NCALD: variants seen among roughly 807,000 people sequenced by gnomAD.
The protein encoded by NCALD is neurocalcin delta.
NCALD carries 10 observed loss-of-function variants against 18.6 expected under a neutral mutation model. The ratio of observed to expected loss-of-function variants is 0.54; its 90% CI spans 0.33 to 0.91. The LOEUF (loss-of-function observed/expected upper bound fraction) is 0.91, where lower values mean the gene tolerates loss of function less well. Ranked by LOEUF, NCALD falls within the 40% of genes least tolerant of loss-of-function variation. The pLI is 0.03. For missense variants in NCALD, 184 were observed against 247.6 expected (o/e 0.74, Z 1.72); for synonymous variants, 88 against 87.4 (o/e 1.01, Z -0.04).
At chr8:102,013,427 T>C (rs1188824336) in intron 2 of NCALD, among the ~76,000 whole-genome samples, 1 of 152,214 alleles carries the variant, frequency 6.6e-6, no homozygotes, top group Non-Finnish European at 1.5e-5. Context: ...TCTCCATCCA[T>C]AGCAAGCCCA....
chr8:102,091,937 AG>A (rs1824937363), intron 1 of NCALD, among the ~76,000 whole-genome samples: 1 of 152,134 alleles, frequency 6.6e-6, no homozygotes, highest in South Asian at 2.1e-4. Context: ...TATAAAAGGG[AG>A]GGGGAAAATG....
intron 4 of NCALD, among the ~76,000 whole-genome samples, chr8:101,878,040 G>C (rs143995613): frequency 7.3e-4 from 111 of 152,210 alleles, no homozygotes; most frequent in Non-Finnish European, 1.4e-3. Context: ...TATGGTTCTG[G>C]GCACATGCTG....
intron 4 of NCALD, among the ~76,000 whole-genome samples, chr8:101,796,019 G>A (rs1442161374): frequency 6.6e-6 from 1 of 152,170 alleles, no homozygotes; most frequent in East Asian, 1.9e-4. Context: ...TAGTGACAGG[G>A]AGACCAAAAT....
chr8:101,883,920 A>T (rs895638929), intron 4 of NCALD, among the ~76,000 whole-genome samples: 2 of 152,226 alleles, frequency 1.3e-5, no homozygotes, highest in Admixed American at 6.5e-5. Flanking sequence ...CAGTGTCATT[A>T]TACAATTGCA....
At chr8:101,783,528 T>C (rs1812102202) in intron 1 of NCALD, among the ~76,000 whole-genome samples, 1 of 152,200 alleles carries the variant, frequency 6.6e-6, no homozygotes, top group Non-Finnish European at 1.5e-5. Flanking sequence ...GCATAGGAAA[T>C]GGGCCAAAAT....
rs753949352 is a variant in NCALD, at chr8:102,018,134, G to C, written c.-157+2103C>G. 4.0e-4 allele frequency among the ~76,000 whole-genome samples: 61 copies of C among 152,174 alleles called. 1 individual carries two copies. The highest frequency in any genetic ancestry group is 1.3e-3 in the Admixed American group (20 of 15,278). On this transcript the variant is annotated intron_variant, in intron 2 of 6. Coordinates refer to the NCALD transcript ENST00000311028. ...TGAAACTTTCATATATTGCTGATTG[G>C]AATGTAAAATGGCACAGTCATTTTG...
At chr8:101,925,693 G>C (rs1226140998) in intron 2 of NCALD, among the ~76,000 whole-genome samples, 2 of 152,092 alleles carry the variant, frequency 1.3e-5, no homozygotes, top group African/African-American at 4.8e-5. Flanking sequence ...AGCTAAACCA[G>C]CCCCTAGAAC....
chr8:101,707,003 A>G (rs1054219484), intron 2 of NCALD, among the ~76,000 whole-genome samples: 8 of 152,250 alleles, frequency 5.3e-5, no homozygotes, highest in Non-Finnish European at 1.0e-4. Flanking sequence ...CAGGAAAGAA[A>G]TCTAAGTTGC....
chr8:101,737,186 GT>G (rs1004140429), intron 1 of NCALD, among the ~76,000 whole-genome samples: 1 of 151,840 alleles, frequency 6.6e-6, no homozygotes, highest in African/African-American at 2.4e-5. Flanking sequence ...TGGCGCCATC[GT>G]GGCTCACCAG....
At chr8:102,014,257 T>C (rs1443587507) in intron 2 of NCALD, among the ~76,000 whole-genome samples, 1 of 152,120 alleles carries the variant, frequency 6.6e-6, no homozygotes, top group Non-Finnish European at 1.5e-5. Flanking sequence ...CTGGTGAGGG[T>C]CCTATTCCTG....
At chr8:102,005,178 T>A (rs1821651155) in intron 2 of NCALD, among the ~76,000 whole-genome samples, 1 of 151,798 alleles carries the variant, frequency 6.6e-6, no homozygotes, top group Non-Finnish European at 1.5e-5. Flanking sequence ...TCAAACAAAT[T>A]TACAAGAAAA....
At chr8:102,009,657 T>A (rs764087468) in intron 2 of NCALD, among the ~76,000 whole-genome samples, 2 of 152,222 alleles carry the variant, frequency 1.3e-5, no homozygotes, top group Non-Finnish European at 2.9e-5. Context: ...GTTTTGAAGA[T>A]CAGATTTGCT....
chr8:102,095,471 G>A (rs1825061572), intron 1 of NCALD, among the ~76,000 whole-genome samples: 1 of 152,186 alleles, frequency 6.6e-6, no homozygotes, highest in Non-Finnish European at 1.5e-5. Flanking sequence ...TTGATTTTGA[G>A]CATCTGTTAG....
chr8:101,930,791 C>T (rs776806768), intron 2 of NCALD, among the ~76,000 whole-genome samples: 1 of 152,174 alleles, frequency 6.6e-6, no homozygotes, highest in Non-Finnish European at 1.5e-5. Flanking sequence ...CAAACCAATC[C>T]TTTGCCAGCA....
intron 1 of NCALD, among the ~76,000 whole-genome samples, chr8:102,114,781 C>G (rs745588254): frequency 7.2e-5 from 11 of 152,326 alleles, no homozygotes; most frequent in African/African-American, 2.6e-4. Context: ...AAGATCACCT[C>G]TTGGGGCACA....
intron 4 of NCALD, among the ~76,000 whole-genome samples, chr8:101,825,239 G>A (rs1053240623): frequency 6.6e-6 from 1 of 152,196 alleles, no homozygotes; most frequent in Non-Finnish European, 1.5e-5. Context: ...TATACAGTAG[G>A]GATACTCCTG....
intron 2 of NCALD, among the ~76,000 whole-genome samples, chr8:101,999,710 A>G (rs1821375166): frequency 6.6e-6 from 1 of 152,218 alleles, no homozygotes; most frequent in Non-Finnish European, 1.5e-5. Context: ...AAATAAAAAA[A>G]TTAATAAAAA....
At chr8:101,872,444 C>A in intron 4 of NCALD, 1 of 1,010,038 alleles carries the variant, frequency 9.9e-7, no homozygotes, top group South Asian at 1.3e-5. Context: ...ATGTGCTGCT[C>A]CTCTTCTGCC....
intron 2 of NCALD, among the ~76,000 whole-genome samples, chr8:101,933,052 T>C (rs186428362): frequency 6.6e-6 from 1 of 152,290 alleles, no homozygotes; most frequent in East Asian, 1.9e-4. Flanking sequence ...AAATCAAATA[T>C]TCTGGATCTC....
Sources: gnomAD v4.1 joint callset for allele counts (sites outside exome capture counted in the v4.1 genomes callset) on GRCh38, gnomAD v4.1.1 for gene constraint, MANE v1.5 for transcripts, NCBI Gene and HGNC (gene_info 2026-07-23, HGNC 2026-07-21) for gene names.